The following ABCA13 variants were observed in gnomAD, a reference collection of about 807,000 sequenced individuals.
The protein encoded by ABCA13 is ATP binding cassette subfamily A member 13, also known as ATP-binding cassette sub-family A member 13.
In ABCA13, 476 loss-of-function variants were observed where a neutral mutation model predicts 478.7. That is an observed-to-expected ratio of 0.99 (90% CI 0.92 to 1.07). The LOEUF is 1.07. Ranked by LOEUF, ABCA13 falls within the 50% of genes least tolerant of loss-of-function variation. The probability of loss-of-function intolerance (pLI) is 0.00; values close to 1 mark genes in which losing one functional copy is unlikely to be tolerated. For missense variants in ABCA13, 6,060 were observed against 5,910.6 expected, an observed-to-expected ratio of 1.03 and a Z score of -0.83; for synonymous variants, 2,252 against 2,158.9, an observed-to-expected ratio of 1.04 and a Z score of -1.20.
chr7:48,510,934 T>C, intron 50 of ABCA13, 150 bp from the exon 51 acceptor site: 2 of 644,752 alleles, frequency 3.1e-6, no homozygotes, highest in Non-Finnish European at 5.4e-6. Context: ...CAAGCGACTT[T>C]CCAGGACTAA....
At chr7:48,298,344 T>G (rs1289177855) in intron 22 of ABCA13, 22 bp from the exon 23 acceptor site, 1 of 1,590,040 alleles carries the variant, frequency 6.3e-7, no homozygotes, top group Non-Finnish European at 8.6e-7. Context: ...TACACAAATT[T>G]CTTATTTTCC....
At chr7:48,553,598 T>C (rs536418431) in intron 55 of ABCA13, among the ~76,000 whole-genome samples, 2 of 152,202 alleles carry the variant, frequency 1.3e-5, no homozygotes, top group South Asian at 4.1e-4. Context: ...TGTTTGTCAT[T>C]TGTATGCCTT....
chr7:48,564,318 A>C (rs1368886880), intron 55 of ABCA13, among the ~76,000 whole-genome samples: 1 of 151,950 alleles, frequency 6.6e-6, no homozygotes, highest in Non-Finnish European at 1.5e-5. Flanking sequence ...AAAGACACTG[A>C]CAGATTTAAA....
At chr7:48,632,962 T>C (rs1794286855) in intron 59 of ABCA13, among the ~76,000 whole-genome samples, 1 of 152,180 alleles carries the variant, frequency 6.6e-6, no homozygotes, top group African/African-American at 2.4e-5. Context: ...ATGCTAAAAC[T>C]GTAAAACTCT....
intron 58 of ABCA13, among the ~76,000 whole-genome samples, chr7:48,600,939 T>A (rs892355351): frequency 2.6e-5 from 4 of 152,176 alleles, no homozygotes; most frequent in Non-Finnish European, 5.9e-5. Context: ...TCTTTCCTTT[T>A]CTTTTGGTCT....
chr7:48,351,435 G>A (rs917582879), intron 30 of ABCA13, among the ~76,000 whole-genome samples: 4 of 152,278 alleles, frequency 2.6e-5, no homozygotes, highest in Non-Finnish European at 2.9e-5. Flanking sequence ...TAGATATTCC[G>A]GATGGAGACA....
chr7:48,243,370 A>G (rs1791162062), intron 10 of ABCA13, among the ~76,000 whole-genome samples: 1 of 152,220 alleles, frequency 6.6e-6, no homozygotes, highest in South Asian at 2.1e-4. Flanking sequence ...TGTAATCCAA[A>G]GAGTCAGAAC....
chr7:48,444,470 G>A (rs988689844), intron 42 of ABCA13, among the ~76,000 whole-genome samples: 2 of 152,146 alleles, frequency 1.3e-5, no homozygotes, highest in Non-Finnish European at 2.9e-5. Flanking sequence ...GCTGTATCCA[G>A]CATCCTCTTT....
intron 59 of ABCA13, among the ~76,000 whole-genome samples, chr7:48,637,468 A>G (rs545638411): frequency 1.3e-5 from 2 of 150,054 alleles, no homozygotes; most frequent in African/African-American, 4.9e-5. Context: ...TGGCCTCTCA[A>G]GGTGACTGGT....
In ABCA13 at chr7:48,238,135, T is replaced by G. The variant is rs1167458675; in HGVS notation, c.898-1106T>G. ...CCACAGACTTGTAAACAACAGAAATTTATCTTGGTGTGTCCTCACGTGGTA... is the reference window on the plus strand; with the variant it reads ...CCACAGACTTGTAAACAACAGAAATGTATCTTGGTGTGTCCTCACGTGGTA... On this transcript the variant is annotated intron_variant, in intron 8 of 61. Coordinates refer to ENST00000435803, the MANE Select transcript of ABCA13 (RefSeq NM_152701.5). Among the ~76,000 whole-genome samples, 3 of 152,128 alleles carry G rather than the reference T, an allele frequency of 2.0e-5. No homozygotes were observed. The South Asian group carries it at 6.2e-4, about 32-fold the overall frequency.
chr7:48,198,408 C>T, intron 3 of ABCA13, 48 bp downstream of exon 3: 2 of 1,605,088 alleles, frequency 1.2e-6, no homozygotes, highest in Non-Finnish European at 1.7e-6. Flanking sequence ...AAAGCTGATA[C>T]ATAGAACAGG....
intron 55 of ABCA13, among the ~76,000 whole-genome samples, chr7:48,578,491 T>C (rs923592626): frequency 1.3e-5 from 2 of 152,242 alleles, no homozygotes; most frequent in African/African-American, 2.4e-5. Flanking sequence ...CAAAATGAAA[T>C]ACTTAGCTAT....
chr7:48,487,503 C>G (rs1341653579), intron 47 of ABCA13, among the ~76,000 whole-genome samples: 1 of 151,550 alleles, frequency 6.6e-6, no homozygotes, highest in African/African-American at 2.4e-5. Context: ...TTTAATCACT[C>G]TACTTTTAAA....
chr7:48,569,024 C>T (rs528044663), intron 55 of ABCA13, among the ~76,000 whole-genome samples: 14 of 151,760 alleles, frequency 9.2e-5, no homozygotes, highest in Non-Finnish European at 2.1e-4. Context: ...TTTTGTTGGT[C>T]ATTGTAGCTA....
chr7:48,637,381 CAAAAAAAAAAAA>C (rs1156643955), intron 59 of ABCA13, among the ~76,000 whole-genome samples: 23 of 20,258 alleles, frequency 1.1e-3, no homozygotes, highest in African/African-American at 4.1e-3. Context: ...GTTCATAAAG[CAAAAAAAAAAAA>C]AAAAAAAAAA....
chr7:48,172,753 G>A (rs1333918328), intron 1 of ABCA13, among the ~76,000 whole-genome samples: 1 of 129,118 alleles, frequency 7.7e-6, no homozygotes, highest in Admixed American at 9.5e-5. Context: ...AGCCGAGATC[G>A]CGCCACTGCA....
intron 59 of ABCA13, among the ~76,000 whole-genome samples, chr7:48,625,237 A>G (rs1162448386): frequency 1.3e-5 from 2 of 152,220 alleles, no homozygotes; most frequent in African/African-American, 2.4e-5. Flanking sequence ...ATATCTATAA[A>G]CCATTACTAT....
intron 55 of ABCA13, among the ~76,000 whole-genome samples, chr7:48,553,900 G>T (rs998458950): frequency 2.0e-5 from 3 of 151,936 alleles, no homozygotes; most frequent in African/African-American, 7.2e-5. Context: ...CCAATGTCCT[G>T]GAGAGTTTTC....
chr7:48,187,567 G>A (rs559411460), intron 1 of ABCA13, among the ~76,000 whole-genome samples: 9 of 151,804 alleles, frequency 5.9e-5, no homozygotes, highest in South Asian at 4.1e-4. Flanking sequence ...TAGCTTTTGC[G>A]TCTTAATATT....
Sources: allele counts gnomAD v4.1 joint callset (sites outside exome capture counted in the v4.1 genomes callset), GRCh38; gene constraint gnomAD v4.1.1; transcripts MANE v1.5; gene names NCBI Gene and HGNC (gene_info 2026-07-23, HGNC 2026-07-21).